Variants in C1QTNF2 observed in about 807,000 individuals in gnomAD.
The protein encoded by C1QTNF2 is complement C1q tumor necrosis factor-related protein 2.
A neutral mutation model predicts 17.4 loss-of-function variants in C1QTNF2; 15 were observed. The ratio of observed to expected loss-of-function variants is 0.86; its 90% CI spans 0.58 to 1.33. The LOEUF (loss-of-function observed/expected upper bound fraction) is 1.33. Among genes scored for constraint, C1QTNF2 ranks in the 40% most tolerant of loss-of-function variants. C1QTNF2 has a pLI of 0.00. For missense variants in C1QTNF2, 381 were observed against 392.3 expected, an observed-to-expected ratio of 0.97 and a Z score of 0.24; for synonymous variants, 154 against 163.3, an observed-to-expected ratio of 0.94 and a Z score of 0.44.
intron 1 of C1QTNF2, among the ~76,000 whole-genome samples, chr5:160,362,106 G>A (rs1281945043): frequency 1.3e-5 from 2 of 152,158 alleles, no homozygotes; most frequent in African/African-American, 2.4e-5. Flanking sequence ...ATAATCCAGG[G>A]TGGTCATAGG....
Position 160,354,864 on chromosome 5 carries a change from C to A in C1QTNF2, c.148G>T (p.Ala50Ser), listed in dbSNP as rs371465492. 6.8e-6 allele frequency: 11 copies of A among 1,609,556 alleles called. No individual in the cohort carries two copies. The highest frequency in any genetic ancestry group is 1.7e-5 in the Admixed American group (1 of 59,348). The change falls in exon 2 of 3, where the codon GCC (alanine) becomes TCC (serine). Residue 50 changes from alanine (A) to serine (S), a missense_variant. Transcript: ENST00000652664. ...GPQGPPGPPGAPGPSGMMGRM... is the reference protein window; with the variant it reads ...GPQGPPGPPGSPGPSGMMGRM... ...CCCATCATTCCTGAGGGCCCTGGGG[C>A]TCCTGGGGGGCCGGGTGGGCCCTGG...
chr5:160,349,365 G>A lies in C1QTNF2; in HGVS notation c.661C>T (p.Arg221Trp), dbSNP rs1228642213. 5.6e-6 allele frequency: 9 copies of A among 1,614,048 alleles called. No individual in the cohort carries two copies. Among genetic ancestry groups the A allele is most frequent in the African/African-American group, 2.7e-5 (2 of 74,930 alleles). The change falls in exon 3 of 3, where the codon CGG becomes TGG. Residue 221 changes from arginine (R) to tryptophan (W), a missense_variant. Physicochemically the swap from Arg to Trp is moderately radical, Grantham distance 101. Coordinates refer to ENST00000652664, the MANE Select transcript of C1QTNF2 (RefSeq NM_031908.6). This position sits in a 1 kb window ranked among gnomAD's most constrained non-coding sequence, Gnocchi z 4.3. ...GLVHNGQYRI[R>W]TFDANTGNHD... ...TTGCCGGTGTTGGCATCAAAGGTCC[G>A]GATGCGGTACTGGCCGTTGTGCACC...
intron 1 of C1QTNF2, among the ~76,000 whole-genome samples, chr5:160,366,220 G>A (rs1764245203): frequency 3.3e-5 from 5 of 152,002 alleles, no homozygotes; most frequent in Admixed American, 6.6e-5. Flanking sequence ...TTTTCCATTC[G>A]GCCCGTGAGC....
Position 160,348,636 on chromosome 5 carries a change from T to C in C1QTNF2, c.*532A>G, listed in dbSNP as rs924229868. The C allele has an allele frequency of 6.5e-6, 1 of 153,050 alleles. No individual in the cohort carries two copies. Among genetic ancestry groups the C allele is most frequent in the African/African-American group, 2.4e-5 (1 of 41,476 alleles). The allele number at this position is 153,050 out of a possible 1,614,324, so 9.5% of individuals were successfully genotyped here. ...GTTGGAAATAGCTTGTTCTTTGATCTACATGGAGGTTTCAGAGTGTGCACA... is the reference window on the plus strand; with the variant it reads ...GTTGGAAATAGCTTGTTCTTTGATCCACATGGAGGTTTCAGAGTGTGCACA... On this transcript the variant is annotated 3_prime_UTR_variant, in exon 3 of 3. Transcript: ENST00000652664.
chr5:160,357,900 C>A (rs541212218), intron 1 of C1QTNF2, among the ~76,000 whole-genome samples: 1 of 152,092 alleles, frequency 6.6e-6, no homozygotes, highest in Non-Finnish European at 1.5e-5. Context: ...GCCAGCCGGA[C>A]GAGAGAGAGG....
chr5:160,351,946 T>C (rs911189485), intron 2 of C1QTNF2, among the ~76,000 whole-genome samples: 4 of 151,132 alleles, frequency 2.6e-5, no homozygotes, highest in African/African-American at 9.7e-5. Context: ...AGTCTCACGC[T>C]GTTACGCAGG....
At chr5:160,354,688 T>G in intron 2 of C1QTNF2, 80 bp downstream of exon 2, 12 of 1,521,226 alleles carry the variant, frequency 7.9e-6, no homozygotes, top group Non-Finnish European at 9.9e-6. Flanking sequence ...AATACTAGTT[T>G]TATTAACTTC....
intron 1 of C1QTNF2, among the ~76,000 whole-genome samples, chr5:160,360,340 A>G (rs888456822): frequency 5.9e-5 from 9 of 152,194 alleles, no homozygotes; most frequent in Non-Finnish European, 1.0e-4. Context: ...GGAGACGCAG[A>G]CTCTGCCCTC....
At chr5:160,362,479 G>A (rs956720886) in intron 1 of C1QTNF2, among the ~76,000 whole-genome samples, 1 of 152,140 alleles carries the variant, frequency 6.6e-6, no homozygotes, top group Non-Finnish European at 1.5e-5. Context: ...AATGCCCACA[G>A]CCCCCTCTCC....
rs1453058214 is a variant in C1QTNF2 at position 160,354,906 on chromosome 5, A to C, written c.106T>G (p.Cys36Gly). The change falls in exon 2 of 3, where the codon TGC becomes GGC. Residue 36 changes from cysteine (C) to glycine (G), a missense_variant. By Grantham distance (159) the Cys-to-Gly change is radical (BLOSUM62 -3). Transcript: ENST00000652664. ...DFRKGSPQLV[C>G]SLPGPQGPPG... ...GGGCCCTGGGGGCCAGGCAGGCTGCAGACCAGTTGAGGGGAGCCTTTCCGG... is the reference window on the plus strand; with the variant it reads ...GGGCCCTGGGGGCCAGGCAGGCTGCCGACCAGTTGAGGGGAGCCTTTCCGG... 1 of 1,602,352 alleles carries C rather than the reference A, an allele frequency of 6.2e-7. No individual in the cohort carries two copies. Among genetic ancestry groups the C allele is most frequent in the South Asian group, 1.1e-5 (1 of 89,060 alleles).
At position 160,354,613 on chromosome 5, in the gene C1QTNF2, T is replaced by C. The variant is rs755475726; in HGVS notation, c.244+155A>G. Among the ~76,000 whole-genome samples, 922 of 136,554 alleles carry C rather than the reference T, an allele frequency of 6.8e-3. 27 individuals carry two copies. The highest frequency in any genetic ancestry group is 0.023 in the Middle Eastern group (6 of 258). The allele number at this position is 136,554 out of a possible 152,430, so 89.6% of individuals were successfully genotyped here. ...AAAAAAAAAAGTATATATATATATA[T>C]ATATATATATATATATATATAGATT... On this transcript the variant is annotated intron_variant, in intron 2 of 2. Coordinates refer to ENST00000652664, the MANE Select transcript of C1QTNF2 (RefSeq NM_031908.6).
chr5:160,351,431 G>T (rs1763920530), intron 2 of C1QTNF2, among the ~76,000 whole-genome samples: 1 of 152,138 alleles, frequency 6.6e-6, no homozygotes, highest in Admixed American at 6.5e-5. Context: ...TTATACATTT[G>T]TATGTAGGCA....
intron 1 of C1QTNF2, among the ~76,000 whole-genome samples, chr5:160,363,796 C>A (rs1215775676): frequency 6.6e-6 from 1 of 152,214 alleles, no homozygotes; most frequent in African/African-American, 2.4e-5. Context: ...GCATTGTCTG[C>A]AGCTGTTTTC....
At chr5:160,363,821 C>A (rs899176016) in intron 1 of C1QTNF2, among the ~76,000 whole-genome samples, 37 of 152,156 alleles carry the variant, frequency 2.4e-4, no homozygotes, top group Admixed American at 2.0e-3. Context: ...ACGTGGAGAC[C>A]AAGGACTGCC....
chr5:160,361,010 G>A (rs1219632777), intron 1 of C1QTNF2, among the ~76,000 whole-genome samples: 1 of 152,024 alleles, frequency 6.6e-6, no homozygotes, highest in Non-Finnish European at 1.5e-5. Flanking sequence ...TGGCCAGGCT[G>A]GTCTCGAACT....
Position 160,349,027 on chromosome 5 carries a change from G to GA in C1QTNF2, c.*140dup, listed in dbSNP as rs1249927287. On this transcript the variant is annotated 3_prime_UTR_variant, in exon 3 of 3. Coordinates refer to ENST00000652664, the MANE Select transcript of C1QTNF2 (RefSeq NM_031908.6). This position sits in a 1 kb window ranked among gnomAD's most constrained non-coding sequence, Gnocchi z 4.3. ...AAAAAGGTTTGGATTTAATGAAGGGGAAAAAAAGAGGCAGAGGAGGTGAGC... is the reference window on the plus strand; with the variant it reads ...AAAAAGGTTTGGATTTAATGAAGGGGAAAAAAAAGAGGCAGAGGAGGTGAGC... 4.9e-6 allele frequency: 5 copies of GA among 1,012,816 alleles called. No homozygotes were observed. Among genetic ancestry groups the GA allele is most frequent in the East Asian group, 2.4e-5 (1 of 41,244 alleles). The allele number at this position is 1,012,816 out of a possible 1,614,324, so 62.7% of individuals were successfully genotyped here. A position where few individuals can be genotyped will look rare whatever the true frequency, so the allele number is the denominator to read the frequency against.
chr5:160,349,119 G>T lies in C1QTNF2; in HGVS notation c.*49C>A. 1 of 1,560,428 alleles carries T rather than the reference G, an allele frequency of 6.4e-7. No homozygotes were observed. Among genetic ancestry groups the T allele is most frequent in the Non-Finnish European group, 8.7e-7 (1 of 1,153,208 alleles). On this transcript the variant is annotated 3_prime_UTR_variant, in exon 3 of 3. Coordinates refer to ENST00000652664, the MANE Select transcript of C1QTNF2 (RefSeq NM_031908.6). This position sits in a 1 kb window ranked among gnomAD's most constrained non-coding sequence, Gnocchi z 4.3. Reference sequence around the variant, plus strand: ...ACAGTTGTGGGGTCTTGCTCTGTAAGCCCAAGTCCAGAAGCTTGTTCCCTG... The same window carrying T: ...ACAGTTGTGGGGTCTTGCTCTGTAATCCCAAGTCCAGAAGCTTGTTCCCTG...
At chr5:160,363,702 C>T (rs1360806865) in intron 1 of C1QTNF2, among the ~76,000 whole-genome samples, 3 of 152,224 alleles carry the variant, frequency 2.0e-5, no homozygotes, top group South Asian at 4.1e-4. Context: ...GCCTGCTGCA[C>T]GTCTGAGCCT....
At chr5:160,361,575 A>C (rs1338886159) in intron 1 of C1QTNF2, among the ~76,000 whole-genome samples, 3 of 152,212 alleles carry the variant, frequency 2.0e-5, no homozygotes, top group Non-Finnish European at 4.4e-5. Flanking sequence ...TGATTCCCTC[A>C]ACTATGCAAT....
Sources: allele counts gnomAD v4.1 joint callset (sites outside exome capture counted in the v4.1 genomes callset), GRCh38; gene constraint gnomAD v4.1.1; non-coding constraint Gnocchi (gnomAD v3.1); transcripts MANE v1.5; gene names NCBI Gene and HGNC (gene_info 2026-07-23, HGNC 2026-07-21).